Variants in PCED1A observed in about 807,000 individuals in gnomAD.
PCED1A encodes the protein PC-esterase domain-containing protein 1A.
A neutral mutation model predicts 41.9 loss-of-function variants in PCED1A; 20 were observed. The observed-to-expected ratio is 0.48, with a 90% confidence interval of 0.34 to 0.69. PCED1A has a LOEUF of 0.69. Ranked by LOEUF, PCED1A falls within the 30% of genes least tolerant of loss-of-function variation. The pLI is 0.01. For missense variants in PCED1A, 498 were observed against 602.1 expected, an observed-to-expected ratio of 0.83 and a Z score of 1.81; for synonymous variants, 236 against 241.3, an observed-to-expected ratio of 0.98 and a Z score of 0.20.
Position 2,838,210 on chromosome 20 carries a change from C to T in PCED1A, c.841+22G>A. 1.2e-6 allele frequency: 2 copies of T among 1,613,594 alleles called. No homozygotes were observed. The highest frequency in any genetic ancestry group is 1.7e-6 in the Non-Finnish European group (2 of 1,179,930). On this transcript the variant is annotated intron_variant, in intron 6 of 7. Transcript: ENST00000360652. The surrounding 1 kb of genome is among the most constrained non-coding windows in gnomAD (Gnocchi z 5.8). The stretch of plus-strand genomic sequence containing the variant: ...TGAGGGCCCCAGTGCATCACTACCC[C>T]CCCACTTATGGTAGGGCTCACCAGG...
At chr20:2,839,117 T>A (rs201973881) in intron 3 of PCED1A, 35 bp from the exon 4 acceptor site, 20 of 986,606 alleles carry the variant, frequency 2.0e-5, no homozygotes, top group Non-Finnish European at 2.7e-5. Flanking sequence ...GTCAGACCCA[T>A]GCCAGGGAGG....
Position 2,835,726 on chromosome 20 carries a change from C to T in PCED1A, c.1118-17G>A. 1 of 1,532,248 alleles carries T rather than the reference C, an allele frequency of 6.5e-7. No individual in the cohort carries two copies. The allele number at this position is 1,532,248 out of a possible 1,614,324, so 94.9% of individuals were successfully genotyped here. A position where few individuals can be genotyped will look rare whatever the true frequency, so the allele number is the denominator to read the frequency against. ...GGCCACATCCTACAAAAGAACCAGT[C>T]ATTATAAGAGCAGGCTTCTGGCCAG... On this transcript the variant is annotated splice_polypyrimidine_tract_variant and intron_variant, in intron 7 of 7. Coordinates refer to ENST00000360652, the MANE Select transcript of PCED1A (RefSeq NM_022760.6).
intron 1 of PCED1A, 128 bp from the exon 2 acceptor site, chr20:2,840,061 A>G: frequency 2.0e-6 from 2 of 1,016,938 alleles, no homozygotes; most frequent in East Asian, 2.8e-5. Context: ...TGGTGGCGCC[A>G]GCCTTGGTCA....
intron 2 of PCED1A, among the ~76,000 whole-genome samples, chr20:2,839,482 C>A (rs1363667557): frequency 6.6e-6 from 1 of 152,206 alleles, no homozygotes; most frequent in Non-Finnish European, 1.5e-5. Flanking sequence ...CCCAAGATCA[C>A]CTGGCAGAAA....
intron 2 of PCED1A, 138 bp downstream of exon 2, chr20:2,839,651 A>T (rs2088911556): frequency 2.4e-6 from 3 of 1,247,784 alleles, no homozygotes; most frequent in Non-Finnish European, 3.3e-6. Flanking sequence ...GATGTGTGGG[A>T]CATAAAAAGA....
In PCED1A at chr20:2,835,457, C is replaced by A; in HGVS notation, c.*5G>T. 1 of 1,598,024 alleles carries A rather than the reference C, an allele frequency of 6.3e-7. No individual in the cohort carries two copies. ...GGCACATCCAGTCCCAGCCCAAGAT[C>A]CAGTCTACCCAGGCCATGTCCCCGA... On this transcript the variant is annotated 3_prime_UTR_variant, in exon 8 of 8. Coordinates refer to ENST00000360652, the MANE Select transcript of PCED1A (RefSeq NM_022760.6).
At chr20:2,840,074 C>G (rs1672252778) in intron 1 of PCED1A, 137 bp downstream of exon 1, 1 of 878,310 alleles carries the variant, frequency 1.1e-6, no homozygotes, top group Non-Finnish European at 1.6e-6. Flanking sequence ...CTTGGTCACA[C>G]TTGGTACCAG....
Position 2,839,757 on chromosome 20 carries a change from ACTGGAAGCGTCACC to A in PCED1A, c.124+18_124+31del. 6.2e-7 allele frequency: 1 copy of A among 1,611,488 alleles called. No homozygotes were observed. The highest frequency in any genetic ancestry group is 2.2e-5 in the East Asian group (1 of 44,834). ...CACTGAACGGGCTGCAAGGTGTGGG[ACTGGAAGCGTCACC>A]CTAGAAGAGGCACTCACTGGAGTCC... On this transcript the variant is annotated intron_variant, in intron 2 of 7. Transcript: ENST00000360652.
At chr20:2,835,792 G>C (rs1260637185) in intron 7 of PCED1A, 83 bp from the exon 8 acceptor site, 1 of 1,503,986 alleles carries the variant, frequency 6.6e-7, no homozygotes, top group African/African-American at 1.4e-5. Flanking sequence ...TTGTCCTCCA[G>C]GTGAGCTTCT....
At position 2,835,395 on chromosome 20, in the gene PCED1A, AG is replaced by A; in HGVS notation, c.*66del. 6.5e-7 allele frequency: 1 copy of A among 1,538,248 alleles called. No homozygotes were observed. The highest frequency in any genetic ancestry group is 8.8e-7 in the Non-Finnish European group (1 of 1,136,642). ...CCAGGCATAGCAGACACCCTAGCCC[AG>A]TACCTGAGGTGCCAGGCAGGCCCTG... On this transcript the variant is annotated 3_prime_UTR_variant, in exon 8 of 8. Coordinates refer to ENST00000360652, the MANE Select transcript of PCED1A (RefSeq NM_022760.6).
rs1357820749 is a variant in PCED1A, at chr20:2,835,713, C to G, written c.1118-4G>C. 2.6e-6 allele frequency: 4 copies of G among 1,540,012 alleles called. No individual in the cohort carries two copies. Among genetic ancestry groups the G allele is most frequent in the Non-Finnish European group, 3.5e-6 (4 of 1,139,262 alleles). On this transcript the variant is annotated splice_region_variant and splice_polypyrimidine_tract_variant and intron_variant, in intron 7 of 7. Transcript: ENST00000360652. ...AAGTTCACTCCAGGGCCACATCCTA[C>G]AAAAGAACCAGTCATTATAAGAGCA...
intron 6 of PCED1A, 115 bp from the exon 7 acceptor site, chr20:2,836,429 G>T: frequency 1.1e-6 from 1 of 933,434 alleles, no homozygotes; most frequent in Non-Finnish European, 1.7e-6. Context: ...CCACCAGGCT[G>T]GAGCATCCTT....
chr20:2,838,981 G>A lies in PCED1A; in HGVS notation c.306C>T (p.Gly102=). The A allele has an allele frequency of 6.2e-7, 1 of 1,613,994 alleles. No individual in the cohort carries two copies. The highest frequency in any genetic ancestry group is 8.5e-7 in the Non-Finnish European group (1 of 1,180,032). The change falls in exon 4 of 8, where the codon GGC becomes GGT. Residue 102 remains glycine, a synonymous_variant. Coordinates refer to ENST00000360652, the MANE Select transcript of PCED1A (RefSeq NM_022760.6). This position sits in a 1 kb window ranked among gnomAD's most constrained non-coding sequence, Gnocchi z 5.8. ...AGAAGCGCACAAGGTGGTGGCCAGAGCCCGAGCAGAACTGGCGGACCTCAC... is the reference window on the plus strand; with the variant it reads ...AGAAGCGCACAAGGTGGTGGCCAGAACCCGAGCAGAACTGGCGGACCTCAC... ...QYREVRQFCS[G]SGHHLVRFYF... is the part of the protein sequence containing the mutation.
intron 1 of PCED1A, 89 bp from the exon 2 acceptor site, chr20:2,840,022 A>G: frequency 7.4e-7 from 1 of 1,344,240 alleles, no homozygotes; most frequent in Non-Finnish European, 9.9e-7. Context: ...GCTCAATGCT[A>G]AAGGGAGGAG....
chr20:2,839,068 A>G lies in PCED1A; in HGVS notation c.219T>C (p.Phe73=). Residue 73 remains phenylalanine (F), a synonymous_variant, in exon 4 of 8, where the codon TTT becomes TTC. Transcript: ENST00000360652. The part of the protein sequence containing the change: ...AQLKAKGELS[F]EQDQLVAGGQ... ...CCCCAGCCACCAGCTGGTCCTGTTCAAAGCTCAGCTCCCCCTACCCACCCC... is the reference window on the plus strand; with the variant it reads ...CCCCAGCCACCAGCTGGTCCTGTTCGAAGCTCAGCTCCCCCTACCCACCCC... The G allele has an allele frequency of 6.2e-7, 1 of 1,613,028 alleles. No individual in the cohort carries two copies. Among genetic ancestry groups the G allele is most frequent in the South Asian group, 1.1e-5 (1 of 91,068 alleles).
rs1416010870 is a variant in PCED1A, at chr20:2,838,449, C to A, written c.624G>T (p.Arg208=). 1 of 1,614,130 alleles carries A rather than the reference C, an allele frequency of 6.2e-7. No homozygotes were observed. The highest frequency in any genetic ancestry group is 1.3e-5 in the African/African-American group (1 of 74,936). Residue 208 remains arginine, a synonymous_variant, in exon 6 of 8, where the codon CGG becomes CGT. Coordinates refer to ENST00000360652, the MANE Select transcript of PCED1A (RefSeq NM_022760.6). The surrounding 1 kb of genome is among the most constrained non-coding windows in gnomAD (Gnocchi z 5.8). The part of the protein sequence containing the change: ...ELQPLAGSLR[R]DVVEGNFYSA... Reference sequence around the variant, plus strand: ...TGTAGAAGTTCCCTTCAACCACATCCCGCCGCAGGGAGCCTGCCAGGGGCT... The same window carrying A: ...TGTAGAAGTTCCCTTCAACCACATCACGCCGCAGGGAGCCTGCCAGGGGCT...
rs1186392196 is a variant in PCED1A at position 2,839,891 on chromosome 20, C to T, written c.22G>A (p.Glu8Lys). ...CTTCGCAGCGGGCGGCGCGGCTCCT[C>T]GCTCGACAGACAGAAGACCATGCCG... MVFCLSS[E>K]EPRRPLRSDM... is the part of the protein sequence containing the mutation. The change falls in exon 2 of 8, where the codon GAG (glutamate) becomes AAG (lysine). Residue 8 changes from glutamate (E) to lysine (K), a missense_variant. Glu to Lys is a moderately conservative substitution (Grantham distance 56). Around this residue, in one of 2 missense-constraint regions of PCED1A, gnomAD observed 253 missense variants for 369.7 expected, o/e 0.68. Transcript: ENST00000360652. The T allele has an allele frequency of 1.7e-5, 28 of 1,613,342 alleles. No individual in the cohort carries two copies. The highest frequency in any genetic ancestry group is 2.4e-5 in the Non-Finnish European group (28 of 1,179,918).
In PCED1A at chr20:2,840,565, G is replaced by A. The variant is rs916945872; in HGVS notation, c.-376C>T. The stretch of plus-strand genomic sequence containing the variant: ...ATGGAGGTGGCCGCCACAGGGCGCA[G>A]GAGCCAGGGCTGGGCCCACTTGGCG... On this transcript the variant is annotated 5_prime_UTR_variant, in exon 1 of 8. Transcript: ENST00000360652. 1 of 591,654 alleles carries A rather than the reference G, an allele frequency of 1.7e-6. No homozygotes were observed. The allele number at this position is 591,654 out of a possible 1,614,324, so 36.7% of individuals were successfully genotyped here.
At chr20:2,840,152 C>CT in intron 1 of PCED1A, 59 bp downstream of exon 1, 1 of 396,694 alleles carries the variant, frequency 2.5e-6, no homozygotes, top group Non-Finnish European at 4.4e-6. Context: ...CGCCGCCCTG[C>CT]GCCTCGCCAC....
Sources: allele counts gnomAD v4.1 joint callset (sites outside exome capture counted in the v4.1 genomes callset), GRCh38; gene constraint gnomAD v4.1.1; regional missense constraint gnomAD v4.1.1; non-coding constraint Gnocchi (gnomAD v3.1); transcripts MANE v1.5; gene names NCBI Gene and HGNC (gene_info 2026-07-23, HGNC 2026-07-21).